Variants in TXNDC8 observed in about 807,000 individuals in gnomAD.
The protein encoded by TXNDC8 is thioredoxin domain-containing protein 8.
TXNDC8 carries 15 observed loss-of-function variants against 12.9 expected under a neutral mutation model. That is an observed-to-expected ratio of 1.16 (90% CI 0.78 to 1.79). TXNDC8 has a LOEUF of 1.79. Among genes scored for constraint, TXNDC8 ranks in the 40% most tolerant of loss-of-function variants. The pLI is 0.00. For synonymous variants in TXNDC8, 40 were observed against 35.4 expected (o/e 1.13, Z -0.46); for missense variants, 128 against 113.2 (o/e 1.13, Z -0.59).
rs1335260939 is a variant in TXNDC8, at chr9:110,318,663, G to C, written c.195+7512C>G. ...TGAGGCAGGAGAATGGCGTGAAGCCGGGAGGCGGAGCTTGCAGTGAGCTGA... is the reference window on the plus strand; with the variant it reads ...TGAGGCAGGAGAATGGCGTGAAGCCCGGAGGCGGAGCTTGCAGTGAGCTGA... On this transcript the variant is annotated intron_variant, in intron 3 of 4. Coordinates refer to ENST00000423740, the MANE Select transcript of TXNDC8 (RefSeq NM_001286946.2). Among the ~76,000 whole-genome samples the C allele has an allele frequency of 2.0e-5, 3 of 152,162 alleles. No homozygotes were observed. In the South Asian group the frequency reaches 6.2e-4, roughly 32 times the overall value.
intron 3 of TXNDC8, among the ~76,000 whole-genome samples, chr9:110,320,318 A>T (rs1194845173): frequency 6.6e-6 from 1 of 152,150 alleles, no homozygotes; most frequent in Non-Finnish European, 1.5e-5. Context: ...TATTCTCGTG[A>T]TAGTGAATAA....
chr9:110,315,344 C>T lies in TXNDC8; in HGVS notation c.196-10812G>A, dbSNP rs182771078. 2.7e-3 allele frequency among the ~76,000 whole-genome samples: 411 copies of T among 152,136 alleles called. 2 individuals carry two copies. Among genetic ancestry groups the T allele is most frequent in the African/African-American group, 9.1e-3 (376 of 41,492 alleles). The stretch of plus-strand genomic sequence containing the variant: ...AACTCCTGACCTCAGGTAATCCACC[C>T]GCCTCAGCCTCCCAAAGTGCTGGGA... On this transcript the variant is annotated intron_variant, in intron 3 of 4. Coordinates refer to ENST00000423740, the MANE Select transcript of TXNDC8 (RefSeq NM_001286946.2).
chr9:110,336,345 T>C (rs1016574351), intron 1 of TXNDC8, among the ~76,000 whole-genome samples: 9 of 152,214 alleles, frequency 5.9e-5, no homozygotes, highest in Admixed American at 1.3e-4. Flanking sequence ...TTTATCAATA[T>C]TCCTCTGGGA....
chr9:110,324,027 G>A (rs781102714), intron 3 of TXNDC8: 48 of 1,545,998 alleles, frequency 3.1e-5, no homozygotes, highest in Non-Finnish European at 4.4e-6. Context: ...GGATAAGAAT[G>A]CAAAAGGGAG....
chr9:110,319,606 T>A (rs894990164), intron 3 of TXNDC8, among the ~76,000 whole-genome samples: 8 of 152,218 alleles, frequency 5.3e-5, no homozygotes, highest in African/African-American at 1.9e-4. Flanking sequence ...ACTCTATAGA[T>A]GGCAAAAACT....
At chr9:110,326,697 A>G (rs1487039530) in intron 2 of TXNDC8, among the ~76,000 whole-genome samples, 1 of 152,204 alleles carries the variant, frequency 6.6e-6, no homozygotes, top group Non-Finnish European at 1.5e-5. Flanking sequence ...AGGCTTATAC[A>G]TGTCTTTCTT....
intron 2 of TXNDC8, among the ~76,000 whole-genome samples, chr9:110,326,940 GCACACACACACACACACACA>G (rs377527245): frequency 7.0e-6 from 1 of 142,920 alleles, no homozygotes. Context: ...TGCTACTCAT[GCACACACACACACACACACA>G]CACACACACA....
intron 2 of TXNDC8, among the ~76,000 whole-genome samples, chr9:110,329,641 T>C (rs192701578): frequency 1.5e-3 from 231 of 152,312 alleles, no homozygotes; most frequent in Non-Finnish European, 2.7e-3. Context: ...GGGAGAGCAG[T>C]TGGGGGAGTC....
intron 3 of TXNDC8, among the ~76,000 whole-genome samples, chr9:110,313,201 T>C (rs779514410): frequency 6.6e-6 from 1 of 152,114 alleles, no homozygotes; most frequent in South Asian, 2.1e-4. Flanking sequence ...CCACCATGCC[T>C]GCCCCTACGA....
chr9:110,302,139 A>T (rs1394322055), downstream of TXNDC8, among the ~76,000 whole-genome samples: 1 of 151,152 alleles, frequency 6.6e-6, no homozygotes, highest in Non-Finnish European at 1.5e-5. Flanking sequence ...ACAGGCATGA[A>T]CTACCATGTC....
intron 3 of TXNDC8, among the ~76,000 whole-genome samples, chr9:110,320,290 G>T (rs1364017264): frequency 6.6e-6 from 1 of 152,140 alleles, no homozygotes; most frequent in Non-Finnish European, 1.5e-5. Flanking sequence ...GAATCATGGG[G>T]GCGGGTCTTT....
rs143970894 is a variant in TXNDC8 at position 110,324,949 on chromosome 9, T to G, written c.195+1226A>C. On this transcript the variant is annotated intron_variant, in intron 3 of 4. Coordinates refer to ENST00000423740, the MANE Select transcript of TXNDC8 (RefSeq NM_001286946.2). ...CAACATGGTGAAACCCCATCTCTACTAGAAATACAAAAATTAGCTGGGCAT... is the reference window on the plus strand; with the variant it reads ...CAACATGGTGAAACCCCATCTCTACGAGAAATACAAAAATTAGCTGGGCAT... Among the ~76,000 whole-genome samples, 397 of 152,272 alleles carry G rather than the reference T, an allele frequency of 2.6e-3. 2 individuals are homozygous for G. Among genetic ancestry groups the G allele is most frequent in the African/African-American group, 9.0e-3 (374 of 41,552 alleles).
intron 2 of TXNDC8, among the ~76,000 whole-genome samples, chr9:110,332,297 C>T (rs529851326): frequency 6.6e-6 from 1 of 152,284 alleles, no homozygotes; most frequent in South Asian, 2.1e-4. Flanking sequence ...CCCAAGCAAT[C>T]CTCCCTCTTT....
At position 110,311,521 on chromosome 9, in the gene TXNDC8, G is replaced by A. The variant is rs938985198; in HGVS notation, c.196-6989C>T. Among the ~76,000 whole-genome samples the A allele has an allele frequency of 3.0e-3, 123 of 41,168 alleles. 1 individual carries two copies. The highest frequency in any genetic ancestry group is 0.031 in the Middle Eastern group (1 of 32). 27.0% of individuals were successfully genotyped at this position (41,168 alleles called of 152,430 possible). ...TAAAGAAAGTTACAAAAATAAAGAG[G>A]TATATATATATATATATATATATAT... On this transcript the variant is annotated intron_variant, in intron 3 of 4. Transcript: ENST00000423740.
intron 3 of TXNDC8, chr9:110,323,741 G>T: frequency 9.1e-7 from 1 of 1,102,522 alleles, no homozygotes. Flanking sequence ...AATGCCATTA[G>T]TACTCTTGGC....
intron 3 of TXNDC8, chr9:110,323,233 A>C: frequency 1.0e-6 from 1 of 985,466 alleles, no homozygotes; most frequent in Non-Finnish European, 1.2e-6. Flanking sequence ...GACATTGCTA[A>C]AGGAGAGAGG....
At chr9:110,322,227 A>T (rs972435902) in intron 3 of TXNDC8, among the ~76,000 whole-genome samples, 1 of 152,108 alleles carries the variant, frequency 6.6e-6, no homozygotes, top group Non-Finnish European at 1.5e-5. Flanking sequence ...TAAGTTACTA[A>T]TATTCAATGA....
At chr9:110,328,339 GTTGA>G (rs1436204547) in intron 2 of TXNDC8, among the ~76,000 whole-genome samples, 1 of 152,134 alleles carries the variant, frequency 6.6e-6, no homozygotes, top group African/African-American at 2.4e-5. Context: ...AGGTTATGGG[GTTGA>G]TTATTTTTTG....
chr9:110,337,623 A>G, intron 1 of TXNDC8, 150 bp downstream of exon 1: 1 of 711,342 alleles, frequency 1.4e-6, no homozygotes, highest in Non-Finnish European at 2.3e-6. Flanking sequence ...CCCTCAAGGA[A>G]CAAGATAAAG....
Sources: allele counts gnomAD v4.1 joint callset (sites outside exome capture counted in the v4.1 genomes callset), GRCh38; gene constraint gnomAD v4.1.1; transcripts MANE v1.5; gene names NCBI Gene and HGNC (gene_info 2026-07-23, HGNC 2026-07-21).